Variants in GRM8 observed in about 807,000 individuals in gnomAD.
GRM8 encodes glutamate metabotropic receptor 8.
Under a neutral mutation model 87.2 loss-of-function variants are expected in GRM8, and 47 were observed. That is an observed-to-expected ratio of 0.54 (90% confidence interval 0.43 to 0.69). The LOEUF (loss-of-function observed/expected upper bound fraction) is 0.69. Ranked by LOEUF, GRM8 falls within the 30% of genes least tolerant of loss-of-function variation. The pLI is 0.00. For missense variants in GRM8, 1,019 were observed against 1,139.2 expected (o/e 0.89, Z 1.52); for synonymous variants, 396 against 404.5 (o/e 0.98, Z 0.25).
At position 126,549,564 on chromosome 7, in the gene GRM8, A is replaced by G. The variant is rs533821196; in HGVS notation, c.1495-15677T>C. Among the ~76,000 whole-genome samples, 5 of 152,302 alleles carry G rather than the reference A, an allele frequency of 3.3e-5. No individual in the cohort carries two copies. In the South Asian group the frequency reaches 8.3e-4, roughly 25 times the overall value. On this transcript the variant is annotated intron_variant, in intron 8 of 10. Transcript: ENST00000339582. ...TTCTAAATGGTTGTAGTTTATGTTT[A>G]TACATATATTTCTAGTTATTCTGCC...
intron 1 of GRM8, among the ~76,000 whole-genome samples, chr7:127,246,324 T>G (rs1159186627): frequency 1.3e-5 from 2 of 152,224 alleles, no homozygotes; most frequent in Non-Finnish European, 2.9e-5. Context: ...TTCAGAGCTA[T>G]AGATCCAAAT....
At chr7:127,020,368 A>T (rs1465735146) in intron 3 of GRM8, among the ~76,000 whole-genome samples, 1 of 152,000 alleles carries the variant, frequency 6.6e-6, no homozygotes, top group Non-Finnish European at 1.5e-5. Flanking sequence ...TCTTTCTGTG[A>T]TCTCTCACAT....
chr7:126,947,678 A>T (rs1372232617), intron 3 of GRM8, among the ~76,000 whole-genome samples: 1 of 152,104 alleles, frequency 6.6e-6, no homozygotes, highest in Non-Finnish European at 1.5e-5. Context: ...ACAGTGAAAC[A>T]AGCCCCGAGG....
At chr7:127,061,868 T>C (rs1166473951) in intron 3 of GRM8, among the ~76,000 whole-genome samples, 2 of 152,204 alleles carry the variant, frequency 1.3e-5, no homozygotes, top group African/African-American at 2.4e-5. Context: ...TTTCACACTA[T>C]AGGAGAGCCC....
chr7:127,024,549 TC>T (rs1379179411), intron 3 of GRM8, among the ~76,000 whole-genome samples: 2 of 151,994 alleles, frequency 1.3e-5, no homozygotes, highest in African/African-American at 4.8e-5. Context: ...CTCAAAAGCA[TC>T]CTTCTAACAC....
intron 6 of GRM8, among the ~76,000 whole-genome samples, chr7:126,898,836 T>C (rs1474527154): frequency 6.6e-6 from 1 of 152,128 alleles, no homozygotes; most frequent in Non-Finnish European, 1.5e-5. Flanking sequence ...TAGGTATACA[T>C]GTACCATGAT....
chr7:127,104,675 G>C (rs1825648577), intron 3 of GRM8, among the ~76,000 whole-genome samples: 1 of 152,152 alleles, frequency 6.6e-6, no homozygotes, highest in Admixed American at 6.5e-5. Flanking sequence ...CAGAAGAAAT[G>C]TGTTGCTCTA....
At chr7:127,114,926 T>C (rs1826609566) in intron 2 of GRM8, among the ~76,000 whole-genome samples, 2 of 151,942 alleles carry the variant, frequency 1.3e-5, no homozygotes, top group South Asian at 2.1e-4. Flanking sequence ...GAGCAGCATA[T>C]AGAGAAGGCA....
chr7:126,724,995 G>T (rs1196735713), intron 7 of GRM8, among the ~76,000 whole-genome samples: 1 of 152,168 alleles, frequency 6.6e-6, no homozygotes, highest in African/African-American at 2.4e-5. Flanking sequence ...TCTCAGATGA[G>T]GTTCATGCTG....
chr7:126,605,140 C>T (rs1229389980), intron 8 of GRM8, among the ~76,000 whole-genome samples: 1 of 152,124 alleles, frequency 6.6e-6, no homozygotes, highest in Non-Finnish European at 1.5e-5. Flanking sequence ...TCCCTGTGGA[C>T]ACAGAGCAGC....
intron 2 of GRM8, among the ~76,000 whole-genome samples, chr7:127,206,155 A>G (rs933391670): frequency 1.3e-5 from 2 of 152,174 alleles, no homozygotes; most frequent in African/African-American, 4.8e-5. Flanking sequence ...CTCTTCCTCA[A>G]CCTCTACCTA....
intron 7 of GRM8, among the ~76,000 whole-genome samples, chr7:126,763,668 A>ATCACATGTCTATTCTGGTATTAGTTTCAT (rs1201483767): frequency 1.1e-4 from 16 of 151,498 alleles, no homozygotes; most frequent in South Asian, 2.1e-4. Flanking sequence ...ATTGTAGTTT[A>ATCACATGTCTATTCTGGTATTAGTTTCAT]ACATTATGCT....
intron 2 of GRM8, among the ~76,000 whole-genome samples, chr7:127,151,022 A>C (rs1828831985): frequency 6.6e-6 from 1 of 152,094 alleles, no homozygotes; most frequent in Non-Finnish European, 1.5e-5. Context: ...TTAGCTATAC[A>C]CATTGGGTTT....
chr7:126,820,283 T>G (rs1794178371), intron 6 of GRM8, among the ~76,000 whole-genome samples: 1 of 152,194 alleles, frequency 6.6e-6, no homozygotes, highest in Non-Finnish European at 1.5e-5. Context: ...AATTATCTTT[T>G]GGAAAAATAG....
chr7:127,217,832 T>C (rs1319651080), intron 2 of GRM8, among the ~76,000 whole-genome samples: 1 of 152,252 alleles, frequency 6.6e-6, no homozygotes, highest in African/African-American at 2.4e-5. Context: ...AATATCAGTG[T>C]TCCACTCTGT....
intron 8 of GRM8, among the ~76,000 whole-genome samples, chr7:126,543,273 T>C (rs1026070890): frequency 5.9e-5 from 9 of 152,248 alleles, no homozygotes; most frequent in Admixed American, 5.2e-4. Context: ...AAGGGTTTAC[T>C]TAAAATGCAT....
At chr7:126,808,731 T>G (rs1172757671) in intron 6 of GRM8, among the ~76,000 whole-genome samples, 2 of 152,202 alleles carry the variant, frequency 1.3e-5, no homozygotes, top group Non-Finnish European at 2.9e-5. Context: ...AGTGACTTAC[T>G]TTGCAAATTA....
chr7:126,835,096 A>G (rs1241410552), intron 6 of GRM8, among the ~76,000 whole-genome samples: 2 of 151,366 alleles, frequency 1.3e-5, no homozygotes, highest in Non-Finnish European at 2.9e-5. Context: ...TAAAAAAAAA[A>G]AGAAAAGAAA....
intron 9 of GRM8, among the ~76,000 whole-genome samples, chr7:126,489,919 C>T (rs913993181): frequency 2.0e-5 from 3 of 151,976 alleles, no homozygotes; most frequent in Admixed American, 1.3e-4. Context: ...AATTCCTCCC[C>T]CTCCCCCACC....
Sources: gnomAD v4.1 joint callset for allele counts (sites outside exome capture counted in the v4.1 genomes callset) on GRCh38, gnomAD v4.1.1 for gene constraint, MANE v1.5 for transcripts, NCBI Gene and HGNC (gene_info 2026-07-23, HGNC 2026-07-21) for gene names.